Variants in RALYL observed in about 807,000 individuals in gnomAD.
RALYL encodes RALY RNA binding protein like, also known as RNA-binding Raly-like protein.
RALYL carries 29 observed loss-of-function variants against 35.1 expected under a neutral mutation model. The observed-to-expected ratio is 0.83, with a 90% CI of 0.61 to 1.13. The LOEUF (loss-of-function observed/expected upper bound fraction) is 1.13, where lower values mean the gene tolerates loss of function less well. Ranked by LOEUF, RALYL falls within the 50% of genes most tolerant of loss-of-function variation. The pLI is 0.00. For synonymous variants in RALYL, 120 were observed against 127.6 expected (o/e 0.94, Z 0.40); for missense variants, 359 against 360.4 (o/e 1.00, Z 0.03).
intron 1 of RALYL, among the ~76,000 whole-genome samples, chr8:84,375,407 T>G (rs536400920): frequency 6.6e-6 from 1 of 151,906 alleles, no homozygotes; most frequent in South Asian, 2.1e-4. Flanking sequence ...TACCATAATT[T>G]TTGCTTTTTA....
chr8:84,333,376 A>G (rs998795297), intron 1 of RALYL, among the ~76,000 whole-genome samples: 3 of 152,174 alleles, frequency 2.0e-5, no homozygotes, highest in African/African-American at 7.2e-5. Context: ...CACAGTGAAA[A>G]CTATTAAGAT....
rs551004770 is a variant in RALYL at position 84,885,048 on chromosome 8, A to G, written c.686-2556A>G. ...GAACAAGAGATGTGATTAATGGTAAAGGATTCAAAACTGTCCAATGCTCGA... is the reference window on the plus strand; with the variant it reads ...GAACAAGAGATGTGATTAATGGTAAGGGATTCAAAACTGTCCAATGCTCGA... On this transcript the variant is annotated intron_variant, in intron 7 of 8. Transcript: ENST00000521268. 2.6e-5 allele frequency among the ~76,000 whole-genome samples: 4 copies of G among 152,180 alleles called. No homozygotes were observed. In the South Asian group the frequency reaches 8.3e-4, roughly 32 times the overall value.
At chr8:84,695,035 C>T (rs1019901713) in intron 2 of RALYL, among the ~76,000 whole-genome samples, 11 of 151,828 alleles carry the variant, frequency 7.2e-5, no homozygotes, top group South Asian at 6.2e-4. Flanking sequence ...GTATAATTAA[C>T]GTCAGATATT....
chr8:84,215,082 T>C (rs564205031), intron 1 of RALYL, among the ~76,000 whole-genome samples: 79 of 152,096 alleles, frequency 5.2e-4, no homozygotes, highest in African/African-American at 1.8e-3. Flanking sequence ...ATTTTTTGTA[T>C]TTTTAGTAGA....
chr8:84,773,907 C>A (rs980990158), intron 2 of RALYL, among the ~76,000 whole-genome samples: 4 of 152,180 alleles, frequency 2.6e-5, no homozygotes, highest in African/African-American at 9.7e-5. Flanking sequence ...AAGAACATTT[C>A]ATTCTCTTTT....
chr8:84,484,239 G>T (rs2054360280), intron 1 of RALYL, among the ~76,000 whole-genome samples: 1 of 152,052 alleles, frequency 6.6e-6, no homozygotes, highest in African/African-American at 2.4e-5. Context: ...GAGTGTGTCT[G>T]CTCTGCAAGG....
rs1387770007 is a variant in RALYL at position 84,514,034 on chromosome 8, C to A, written c.-23-15265C>A. ...CACTTGAACCTGGAGGTAGAGGTTG[C>A]AGTGAGCCGAAATCACACCACTGCA... On this transcript the variant is annotated intron_variant, in intron 1 of 8. Coordinates refer to ENST00000521268, the MANE Select transcript of RALYL (RefSeq NM_173848.7). Among the ~76,000 whole-genome samples, 7 of 131,240 alleles carry A rather than the reference C, an allele frequency of 5.3e-5. No individual in the cohort carries two copies. In the East Asian group the frequency reaches 1.4e-3, roughly 27 times the overall value. The allele number at this position is 131,240 out of a possible 152,430, so 86.1% of individuals were successfully genotyped here.
chr8:84,617,007 G>A (rs1415939722), intron 2 of RALYL, among the ~76,000 whole-genome samples: 1 of 150,610 alleles, frequency 6.6e-6, no homozygotes, highest in South Asian at 2.1e-4. Flanking sequence ...TTGTAGTATA[G>A]TTTGAAGTCA....
At chr8:84,472,648 A>G (rs2052920778) in intron 1 of RALYL, among the ~76,000 whole-genome samples, 1 of 152,140 alleles carries the variant, frequency 6.6e-6, no homozygotes, top group Non-Finnish European at 1.5e-5. Context: ...TACTTTATTC[A>G]TTGGACAGAA....
chr8:84,525,051 A>G (rs1245090419), intron 1 of RALYL, among the ~76,000 whole-genome samples: 2 of 73,594 alleles, frequency 2.7e-5, no homozygotes, highest in African/African-American at 8.8e-5. Context: ...ACTAAGTAAA[A>G]TTAAAAATAC....
chr8:84,524,245 G>A (rs1388537972), intron 1 of RALYL, among the ~76,000 whole-genome samples: 2 of 151,922 alleles, frequency 1.3e-5, no homozygotes, highest in East Asian at 1.9e-4. Flanking sequence ...AACTCAAACA[G>A]ATTTACAAGA....
chr8:84,604,277 A>C (rs1384311198), intron 2 of RALYL, among the ~76,000 whole-genome samples: 1 of 152,132 alleles, frequency 6.6e-6, no homozygotes, highest in Admixed American at 6.6e-5. Context: ...ATACTAAGTA[A>C]CATGTGGCTT....
chr8:84,824,550 A>G (rs1479739882), intron 4 of RALYL, among the ~76,000 whole-genome samples: 2 of 152,128 alleles, frequency 1.3e-5, no homozygotes, highest in Non-Finnish European at 2.9e-5. Context: ...GAGCCTGAAT[A>G]TCCAAAACAA....
intron 1 of RALYL, among the ~76,000 whole-genome samples, chr8:84,393,845 A>G (rs969438638): frequency 6.6e-6 from 1 of 152,148 alleles, no homozygotes; most frequent in Non-Finnish European, 1.5e-5. Context: ...AAACACAATA[A>G]TGAATATATA....
chr8:84,185,230 T>C, intron 1 of RALYL: 1 of 590,788 alleles, frequency 1.7e-6, no homozygotes, highest in Non-Finnish European at 3.0e-6. Context: ...CCTACACCTC[T>C]AAGGTATTAA....
At chr8:84,824,888 A>G (rs1381767947) in intron 4 of RALYL, among the ~76,000 whole-genome samples, 1 of 152,186 alleles carries the variant, frequency 6.6e-6, no homozygotes, top group Admixed American at 6.5e-5. Context: ...ATTTAAATAT[A>G]AGACCTCAAA....
intron 1 of RALYL, among the ~76,000 whole-genome samples, chr8:84,340,287 T>C (rs888462219): frequency 1.3e-5 from 2 of 152,060 alleles, no homozygotes; most frequent in South Asian, 2.1e-4. Flanking sequence ...TTAAAAAAAG[T>C]AGTAAGAACA....
chr8:84,280,621 C>CA lies in RALYL; in HGVS notation c.-24+96203dup, dbSNP rs529080867. Among the ~76,000 whole-genome samples the CA allele has an allele frequency of 7.6e-4, 116 of 151,736 alleles. 4 individuals carry two copies. The South Asian group carries it at 0.022, about 29-fold the overall frequency. The stretch of plus-strand genomic sequence containing the variant: ...ATCACCATACCATAATAAAGGTCAA[C>CA]AAAAAACTCAAAGACCCTGACTTTA... On this transcript the variant is annotated intron_variant, in intron 1 of 8. Coordinates refer to ENST00000521268, the MANE Select transcript of RALYL (RefSeq NM_173848.7).
At chr8:84,313,443 C>T (rs1488362722) in intron 1 of RALYL, among the ~76,000 whole-genome samples, 1 of 152,190 alleles carries the variant, frequency 6.6e-6, no homozygotes, top group African/African-American at 2.4e-5. Flanking sequence ...ATCTTCCAAA[C>T]CATTATGATC....
Sources: allele counts gnomAD v4.1 joint callset (sites outside exome capture counted in the v4.1 genomes callset), GRCh38; gene constraint gnomAD v4.1.1; transcripts MANE v1.5; gene names NCBI Gene and HGNC (gene_info 2026-07-23, HGNC 2026-07-21).